The following BMPR1B variants were observed in gnomAD, a reference collection of about 807,000 sequenced individuals.
BMPR1B encodes the protein bone morphogenetic protein receptor type 1B.
BMPR1B carries 12 observed loss-of-function variants against 59.1 expected under a neutral mutation model. The observed-to-expected ratio is 0.20, with a 90% CI of 0.13 to 0.33. BMPR1B has a LOEUF of 0.33. BMPR1B is among the 10% of genes least tolerant of loss of function. The pLI, the probability that BMPR1B is intolerant of heterozygous loss-of-function variation, is 1.00. For synonymous variants in BMPR1B, 237 were observed against 207.3 expected, an observed-to-expected ratio of 1.14 and a Z score of -1.23; for missense variants, 550 against 610.9, an observed-to-expected ratio of 0.90 and a Z score of 1.05.
At chr4:94,851,097 T>C (rs574779660) in intron 1 of BMPR1B, among the ~76,000 whole-genome samples, 31 of 152,256 alleles carry the variant, frequency 2.0e-4, no homozygotes, top group African/African-American at 6.7e-4. Flanking sequence ...GTCTTCCTAC[T>C]GGAAAGGGGA....
At chr4:94,953,744 C>T (rs1010487411) in intron 2 of BMPR1B, among the ~76,000 whole-genome samples, 5 of 151,746 alleles carry the variant, frequency 3.3e-5, no homozygotes, top group Admixed American at 2.0e-4. Flanking sequence ...TTGGGGTTGC[C>T]GTTCTCGAGG....
chr4:94,843,378 G>A (rs1356837381), intron 1 of BMPR1B, among the ~76,000 whole-genome samples: 1 of 152,200 alleles, frequency 6.6e-6, no homozygotes, highest in Non-Finnish European at 1.5e-5. Context: ...ATGGGAGCAG[G>A]CTGCTTCCCA....
At chr4:94,969,153 G>A (rs1372389502) in intron 2 of BMPR1B, among the ~76,000 whole-genome samples, 4 of 152,072 alleles carry the variant, frequency 2.6e-5, no homozygotes, top group African/African-American at 9.6e-5. Context: ...TTCTGCCTCA[G>A]CCTCCCAAGT....
At chr4:94,801,795 T>C (rs1247741639) in intron 1 of BMPR1B, among the ~76,000 whole-genome samples, 2 of 152,214 alleles carry the variant, frequency 1.3e-5, no homozygotes, top group Non-Finnish European at 2.9e-5. Flanking sequence ...ACTTTCCTTA[T>C]TCTTTCTTCC....
intron 1 of BMPR1B, among the ~76,000 whole-genome samples, chr4:94,851,945 G>A (rs1725583187): frequency 6.6e-6 from 1 of 152,136 alleles, no homozygotes; most frequent in Non-Finnish European, 1.5e-5. Flanking sequence ...GCATAATGTA[G>A]GCTCATAGTG....
At chr4:95,115,978 A>T (rs1222306418) in intron 6 of BMPR1B, among the ~76,000 whole-genome samples, 191 bp downstream of exon 6, 1 of 152,132 alleles carries the variant, frequency 6.6e-6, no homozygotes, top group African/African-American at 2.4e-5. Context: ...GTCATATGTG[A>T]CTTCACTTTT....
chr4:95,014,379 A>T (rs1292349787), intron 3 of BMPR1B, among the ~76,000 whole-genome samples: 24 of 152,202 alleles, frequency 1.6e-4, no homozygotes, highest in Admixed American at 1.4e-3. Context: ...AGTTAATAAA[A>T]GCAATCTTTT....
intron 3 of BMPR1B, among the ~76,000 whole-genome samples, chr4:95,088,083 A>G (rs1192760371): frequency 6.6e-6 from 1 of 152,146 alleles, no homozygotes; most frequent in Non-Finnish European, 1.5e-5. Context: ...ATTTTATTAC[A>G]TTCACAGATT....
chr4:94,952,606 C>A (rs1375358311), intron 2 of BMPR1B, among the ~76,000 whole-genome samples: 1 of 152,060 alleles, frequency 6.6e-6, no homozygotes, highest in Non-Finnish European at 1.5e-5. Context: ...CTAATTTGAT[C>A]GCAATGTGGT....
chr4:94,793,376 C>T (rs1471440507), intron 1 of BMPR1B, among the ~76,000 whole-genome samples: 3 of 151,352 alleles, frequency 2.0e-5, no homozygotes, highest in Non-Finnish European at 4.4e-5. Context: ...CATAGTATTC[C>T]ATGGTGTATA....
At position 94,902,046 on chromosome 4, in the gene BMPR1B, GGTGTGTGTGTGTGT is replaced by G. The variant is rs34068392; in HGVS notation, c.-113+26174_-113+26187del. On this transcript the variant is annotated intron_variant, in intron 2 of 12. Coordinates refer to ENST00000515059, the MANE Select transcript of BMPR1B (RefSeq NM_001203.3). ...GTTAAGAGGGCTCTGCAGACTGCAT[GGTGTGTGTGTGTGT>G]GTGTGTGTGTGTGTGTGTGTGTGTG... 8.6e-3 allele frequency among the ~76,000 whole-genome samples: 1,023 copies of G among 119,250 alleles called. 7 individuals are homozygous for G. The highest frequency in any genetic ancestry group is 0.036 in the African/African-American group (912 of 25,252). 78.2% of individuals were successfully genotyped at this position (119,250 alleles called of 152,430 possible).
chr4:95,148,956 A>G lies in BMPR1B; in HGVS notation c.1252+33A>G, dbSNP rs772988525. Reference sequence around the variant, plus strand: ...ACAGTGCTGTCTTTGAAAAGCTACTATTGGAGCTACTATAAATCCTTTCTT... The same window carrying G: ...ACAGTGCTGTCTTTGAAAAGCTACTGTTGGAGCTACTATAAATCCTTTCTT... On this transcript the variant is annotated intron_variant, in intron 11 of 12. Coordinates refer to ENST00000515059, the MANE Select transcript of BMPR1B (RefSeq NM_001203.3). 24 of 1,609,618 alleles carry G rather than the reference A, an allele frequency of 1.5e-5. No individual in the cohort carries two copies. In the South Asian group the frequency reaches 2.1e-4, roughly 14 times the overall value.
At chr4:95,119,173 G>A (rs977066522) in intron 6 of BMPR1B, among the ~76,000 whole-genome samples, 8 of 152,028 alleles carry the variant, frequency 5.3e-5, no homozygotes, top group Non-Finnish European at 1.2e-4. Flanking sequence ...TTCTAGTTTT[G>A]GTTGAGTATC....
chr4:95,136,920 C>T (rs530248385), intron 10 of BMPR1B, among the ~76,000 whole-genome samples: 25 of 152,222 alleles, frequency 1.6e-4, no homozygotes, highest in Non-Finnish European at 3.1e-4. Flanking sequence ...TTCAGTTCTG[C>T]TCTGATCTTA....
At chr4:95,091,078 T>C (rs1191193249) in intron 3 of BMPR1B, among the ~76,000 whole-genome samples, 1 of 152,094 alleles carries the variant, frequency 6.6e-6, no homozygotes, top group Admixed American at 6.6e-5. Context: ...CATATTGAAA[T>C]AGCATTCTGA....
chr4:95,145,751 G>A (rs1294292217), intron 10 of BMPR1B, among the ~76,000 whole-genome samples: 2 of 152,220 alleles, frequency 1.3e-5, no homozygotes, highest in Admixed American at 1.3e-4. Context: ...ACACTTTACA[G>A]TATCAGATAT....
intron 3 of BMPR1B, among the ~76,000 whole-genome samples, chr4:95,057,904 G>A (rs28584847): frequency 0.018 from 2,701 of 152,112 alleles, 82 homozygotes; most frequent in African/African-American, 0.062. Context: ...TGTTACTACC[G>A]AAAATAATGA....
chr4:94,774,363 GTTC>G lies in BMPR1B; in HGVS notation c.-183+16298_-183+16300del, dbSNP rs377206786. Among the ~76,000 whole-genome samples, 513 of 152,106 alleles carry G rather than the reference GTTC, an allele frequency of 3.4e-3. 7 individuals are homozygous for G. Among genetic ancestry groups the G allele is most frequent in the African/African-American group, 0.011 (475 of 41,540 alleles). On this transcript the variant is annotated intron_variant, in intron 1 of 12. Transcript: ENST00000515059. ...TTTGCTCTTAAGGAAAAAATTTGAG[GTTC>G]TTAAGAAATAGAAAAAATGTTCTTG...
chr4:95,031,923 T>C (rs1724888526), intron 3 of BMPR1B, among the ~76,000 whole-genome samples: 1 of 152,048 alleles, frequency 6.6e-6, no homozygotes, highest in African/African-American at 2.4e-5. Flanking sequence ...AGGACTAATG[T>C]CTCAAAGAAA....
Sources: gnomAD v4.1 joint callset for allele counts (sites outside exome capture counted in the v4.1 genomes callset) on GRCh38, gnomAD v4.1.1 for gene constraint, MANE v1.5 for transcripts, NCBI Gene and HGNC (gene_info 2026-07-23, HGNC 2026-07-21) for gene names.